The following LRP1B variants were observed in gnomAD, a reference collection of about 807,000 sequenced individuals.
LRP1B encodes the protein low-density lipoprotein receptor-related protein 1B.
Under a neutral mutation model 556.6 loss-of-function variants are expected in LRP1B, and 217 were observed. The ratio of observed to expected loss-of-function variants is 0.39; its 90% confidence interval spans 0.35 to 0.44. The LOEUF (loss-of-function observed/expected upper bound fraction) is 0.44, where lower values mean the gene tolerates loss of function less well. Ranked by LOEUF, LRP1B falls within the 20% of genes least tolerant of loss-of-function variation. LRP1B has a pLI of 1.00. For synonymous variants in LRP1B, 2,047 were observed against 1,865.8 expected, an observed-to-expected ratio of 1.10 and a Z score of -2.50; for missense variants, 5,053 against 5,620.8, an observed-to-expected ratio of 0.90 and a Z score of 3.23.
chr2:140,351,210 CACTT>C (rs1351786664), intron 76 of LRP1B, among the ~76,000 whole-genome samples, 172 bp from the exon 77 acceptor site: 1 of 151,940 alleles, frequency 6.6e-6, no homozygotes, highest in Non-Finnish European at 1.5e-5. Context: ...TTCTGATACT[CACTT>C]ATCTAAACAT....
rs1682590766 is a variant in LRP1B at position 140,274,537 on chromosome 2, A to G, written c.13029T>C (p.Val4343=). 1.9e-6 allele frequency: 3 copies of G among 1,612,662 alleles called. No homozygotes were observed. The highest frequency in any genetic ancestry group is 2.5e-6 in the Non-Finnish European group (3 of 1,179,120). The change falls in exon 85 of 91, where the codon GTT becomes GTC. Residue 4343 remains valine, a synonymous_variant. Coordinates refer to ENST00000389484, the MANE Select transcript of LRP1B (RefSeq NM_018557.3). The part of the protein sequence containing the change: ...ESCTIGDDGS[V]ECVCPTRYEG... ...CATAGCGCGTTGGACAGACACATTC[A>G]ACACTTCCATCATCCCCAATGGTAC...
chr2:140,237,836 A>C (rs188764208), intron 89 of LRP1B, among the ~76,000 whole-genome samples: 215 of 150,978 alleles, frequency 1.4e-3, no homozygotes, highest in African/African-American at 4.5e-3. Flanking sequence ...ACAATTTTTA[A>C]ATGAGTTTTT....
chr2:142,086,273 A>G (rs1188488773), intron 1 of LRP1B, among the ~76,000 whole-genome samples: 1 of 152,098 alleles, frequency 6.6e-6, no homozygotes, highest in Non-Finnish European at 1.5e-5. Flanking sequence ...TGGATCCTCT[A>G]TGGGCATTTT....
chr2:140,638,366 A>G (rs1294050422), intron 41 of LRP1B, among the ~76,000 whole-genome samples: 3 of 152,136 alleles, frequency 2.0e-5, no homozygotes, highest in East Asian at 1.9e-4. Context: ...CTTACCCCCA[A>G]TTTAAAAAAG....
At chr2:140,521,382 T>C (rs925822746) in intron 49 of LRP1B, among the ~76,000 whole-genome samples, 1 of 152,044 alleles carries the variant, frequency 6.6e-6, no homozygotes, top group Non-Finnish European at 1.5e-5. Context: ...CTAGAAGAGA[T>C]TGGGGACCTA....
At chr2:140,700,724 TTC>T (rs1686607539) in intron 40 of LRP1B, 103 bp from the exon 41 acceptor site, 3 of 1,220,976 alleles carry the variant, frequency 2.5e-6, no homozygotes, top group Non-Finnish European at 2.3e-6. Context: ...ATGTTGAATA[TTC>T]TCTTTTTGCT....
chr2:141,937,678 A>G (rs926772807), intron 1 of LRP1B, among the ~76,000 whole-genome samples: 6 of 151,568 alleles, frequency 4.0e-5, no homozygotes, highest in South Asian at 2.1e-4. Context: ...AAAAAAAAAA[A>G]GATACTTTTA....
chr2:142,082,577 G>C (rs780738725), intron 1 of LRP1B, among the ~76,000 whole-genome samples: 9 of 152,096 alleles, frequency 5.9e-5, no homozygotes, highest in Non-Finnish European at 1.2e-4. Context: ...TGGCGCAGCC[G>C]GAACAATTGT....
At chr2:141,643,900 A>T (rs951063182) in intron 2 of LRP1B, among the ~76,000 whole-genome samples, 16 of 152,098 alleles carry the variant, frequency 1.1e-4, no homozygotes, top group African/African-American at 3.9e-4. Context: ...GCGACCTTAT[A>T]GGGCTGCTGC....
intron 2 of LRP1B, among the ~76,000 whole-genome samples, chr2:141,591,356 T>TTG (rs199786134): frequency 9.3e-5 from 2 of 21,616 alleles, no homozygotes; most frequent in East Asian, 6.7e-3. Context: ...TTTGTTGTTG[T>TTG]TTGTTTGTTT....
At chr2:140,499,077 G>C (rs1185047810) in intron 55 of LRP1B, among the ~76,000 whole-genome samples, 2 of 151,668 alleles carry the variant, frequency 1.3e-5, no homozygotes, top group African/African-American at 4.8e-5. Context: ...ACGGCTTCTT[G>C]AGAAGACAAA....
intron 3 of LRP1B, among the ~76,000 whole-genome samples, chr2:141,343,698 G>A (rs1182167970): frequency 6.6e-6 from 1 of 152,162 alleles, no homozygotes; most frequent in Non-Finnish European, 1.5e-5. Flanking sequence ...GATGGGAAGA[G>A]GCACTATGTC....
chr2:140,651,503 TA>T (rs200814474), intron 41 of LRP1B, among the ~76,000 whole-genome samples: 4 of 96,202 alleles, frequency 4.2e-5, no homozygotes, highest in African/African-American at 4.4e-5. Flanking sequence ...AAAGTATAAT[TA>T]AAAAAAAACA....
chr2:141,009,036 T>C (rs555981220), intron 14 of LRP1B, among the ~76,000 whole-genome samples: 49 of 152,066 alleles, frequency 3.2e-4, no homozygotes, highest in Admixed American at 2.1e-3. Context: ...ATTGTTTCAG[T>C]CTTTCCTTAA....
At chr2:141,990,094 A>G (rs747378028) in intron 1 of LRP1B, among the ~76,000 whole-genome samples, 4 of 152,222 alleles carry the variant, frequency 2.6e-5, no homozygotes, top group Admixed American at 6.6e-5. Flanking sequence ...TGTTTCTCAA[A>G]GCACTAAAGA....
intron 3 of LRP1B, among the ~76,000 whole-genome samples, chr2:141,322,420 A>T (rs1687274809): frequency 1.3e-5 from 2 of 152,070 alleles, no homozygotes; most frequent in South Asian, 4.1e-4. Flanking sequence ...GTGACATTAC[A>T]GCCTGAGCTT....
intron 18 of LRP1B, among the ~76,000 whole-genome samples, chr2:140,975,986 T>C (rs1696584047): frequency 6.6e-6 from 1 of 151,940 alleles, no homozygotes; most frequent in Admixed American, 6.6e-5. Context: ...GAATGCATCA[T>C]GGCTCACTGC....
intron 86 of LRP1B, among the ~76,000 whole-genome samples, chr2:140,266,039 C>T (rs1190924755): frequency 6.6e-6 from 1 of 152,024 alleles, no homozygotes; most frequent in African/African-American, 2.4e-5. Context: ...TCTCTCCTTC[C>T]CAGGCCCTAA....
intron 43 of LRP1B, among the ~76,000 whole-genome samples, chr2:140,553,711 T>A (rs1455690135): frequency 6.6e-6 from 1 of 151,918 alleles, no homozygotes; most frequent in East Asian, 1.9e-4. Flanking sequence ...TAACAAGGAT[T>A]TTTGGAGAGT....
Sources: allele counts gnomAD v4.1 joint callset (sites outside exome capture counted in the v4.1 genomes callset), GRCh38; gene constraint gnomAD v4.1.1; transcripts MANE v1.5; gene names NCBI Gene and HGNC (gene_info 2026-07-23, HGNC 2026-07-21).